Variants in HIBCH observed in about 807,000 individuals in gnomAD.
The protein encoded by HIBCH is 3-hydroxyisobutyryl-CoA hydrolase.
In HIBCH, 50 loss-of-function variants were observed where a neutral mutation model predicts 58.2. That is an observed-to-expected ratio of 0.86 (90% confidence interval 0.68 to 1.09). The LOEUF (loss-of-function observed/expected upper bound fraction) is 1.09, where lower values mean the gene tolerates loss of function less well. Among genes scored for constraint, HIBCH ranks in the 50% least tolerant of loss-of-function variants. The pLI, the probability that HIBCH is intolerant of heterozygous loss-of-function variation, is 0.00. For missense variants in HIBCH, 450 were observed against 449.7 expected (o/e 1.00, Z -0.01); for synonymous variants, 151 against 146.9 (o/e 1.03, Z -0.20).
intron 11 of HIBCH, among the ~76,000 whole-genome samples, chr2:190,241,445 G>C (rs1686451747): frequency 1.3e-5 from 2 of 152,042 alleles, no homozygotes; most frequent in Non-Finnish European, 2.9e-5. Context: ...TCTTTTAATT[G>C]GTGCATTTAG....
intron 1 of HIBCH, among the ~76,000 whole-genome samples, chr2:190,312,498 TC>T (rs1688586868): frequency 1.3e-5 from 2 of 152,202 alleles, no homozygotes; most frequent in African/African-American, 2.4e-5. Context: ...TGTTAATTTT[TC>T]AAGAATACTC....
chr2:190,286,462 G>A (rs1460422016), intron 6 of HIBCH, among the ~76,000 whole-genome samples: 2 of 151,978 alleles, frequency 1.3e-5, no homozygotes, highest in African/African-American at 4.8e-5. Context: ...TTGTTATATG[G>A]ATACTGGCCA....
At chr2:190,212,696 T>C (rs192007637) in intron 12 of HIBCH, among the ~76,000 whole-genome samples, 84 of 152,326 alleles carry the variant, frequency 5.5e-4, no homozygotes, top group African/African-American at 2.0e-3. Flanking sequence ...TTAATTTCTA[T>C]TTTGAATTCC....
At chr2:190,274,043 T>C (rs1687480765) in intron 6 of HIBCH, among the ~76,000 whole-genome samples, 1 of 152,168 alleles carries the variant, frequency 6.6e-6, no homozygotes, top group African/African-American at 2.4e-5. Flanking sequence ...CTCAAGTGAC[T>C]CTCCCACGCT....
At chr2:190,248,012 C>A (rs530695134) in intron 9 of HIBCH, among the ~76,000 whole-genome samples, 1 of 152,292 alleles carries the variant, frequency 6.6e-6, no homozygotes, top group African/African-American at 2.4e-5. Context: ...AATTCAGATT[C>A]TCTGAGGCAT....
rs1413194024 is a variant in HIBCH at position 190,294,020 on chromosome 2, G to GTATATATATA, written c.304+525_304+526insTATATATATA. Among the ~76,000 whole-genome samples the GTATATATATA allele has an allele frequency of 2.6e-3, 327 of 125,748 alleles. 2 individuals are homozygous for GTATATATATA. The highest frequency in any genetic ancestry group is 0.012 in the Admixed American group (137 of 11,372). The allele number at this position is 125,748 out of a possible 152,430, so 82.5% of individuals were successfully genotyped here. On this transcript the variant is annotated intron_variant, in intron 4 of 13. Transcript: ENST00000359678. ...ATATATTTTGTAATATATATTTTGT[G>GTATATATATA]TGTATATATATATATATATATATAT...
At chr2:190,208,771 C>T (rs1308852903) in intron 13 of HIBCH, 109 bp downstream of exon 13, 4 of 882,264 alleles carry the variant, frequency 4.5e-6, no homozygotes, top group East Asian at 5.6e-5. Context: ...GATTTTGGTA[C>T]ATTTTGGATT....
intron 11 of HIBCH, among the ~76,000 whole-genome samples, chr2:190,234,100 T>C (rs1038988010): frequency 3.3e-5 from 5 of 152,068 alleles, no homozygotes; most frequent in African/African-American, 1.2e-4. Context: ...GAGCTTGGAG[T>C]GAGCTGAGAT....
chr2:190,289,939 G>A (rs535780787), intron 5 of HIBCH, among the ~76,000 whole-genome samples: 30 of 152,310 alleles, frequency 2.0e-4, no homozygotes, highest in African/African-American at 6.7e-4. Flanking sequence ...GTGCAGTGGT[G>A]CAATCTCGAA....
intron 11 of HIBCH, among the ~76,000 whole-genome samples, chr2:190,218,034 G>C (rs1475777613): frequency 6.6e-6 from 1 of 152,088 alleles, no homozygotes; most frequent in Non-Finnish European, 1.5e-5. Context: ...ACTAGGGGTG[G>C]AAAGTAGGAA....
intron 2 of HIBCH, among the ~76,000 whole-genome samples, chr2:190,301,779 A>C (rs539622870): frequency 1.3e-5 from 2 of 152,284 alleles, no homozygotes; most frequent in South Asian, 4.1e-4. Flanking sequence ...GCCTGGTGAG[A>C]CCCCATTTTG....
At position 190,197,745 on chromosome 2, in the gene HIBCH, G is replaced by T. The variant is rs1690047916; in HGVS notation, c.*17+7355C>A. On this transcript the variant is annotated intron_variant, in intron 1 of 1. Coordinates refer to the HIBCH transcript ENST00000399855. The surrounding 1 kb of genome is among the most constrained non-coding windows in gnomAD (Gnocchi z 4.0). The stretch of plus-strand genomic sequence containing the variant: ...TGAAAATAATGGCAACATATATTTT[G>T]TCTGGTTTTAAAACTGGTTTTGGCA... 6.6e-6 allele frequency among the ~76,000 whole-genome samples: 1 copy of T among 152,200 alleles called. No homozygotes were observed. The highest frequency in any genetic ancestry group is 2.1e-4 in the South Asian group (1 of 4,832).
At chr2:190,237,723 T>C (rs1043615724) in intron 11 of HIBCH, among the ~76,000 whole-genome samples, 2 of 152,152 alleles carry the variant, frequency 1.3e-5, no homozygotes, top group Non-Finnish European at 2.9e-5. Flanking sequence ...TACATAGGTA[T>C]ACACGTGCCA....
At chr2:190,248,865 C>A (rs201184879) in intron 9 of HIBCH, among the ~76,000 whole-genome samples, 564 of 127,126 alleles carry the variant, frequency 4.4e-3, no homozygotes, top group Non-Finnish European at 6.5e-3. Context: ...TGCTTCAAAA[C>A]AAAAAAAAAA....
In HIBCH at chr2:190,217,701, G is replaced by A. The variant is rs577254265; in HGVS notation, c.892-4626C>T. Reference sequence around the variant, plus strand: ...ACCACTTCCAGGCTGGCAACTCGGTGCTAATTAAAACCTGGAAAGAAGACA... The same window carrying A: ...ACCACTTCCAGGCTGGCAACTCGGTACTAATTAAAACCTGGAAAGAAGACA... On this transcript the variant is annotated intron_variant, in intron 11 of 13. Transcript: ENST00000359678. The surrounding 1 kb of genome is among the most constrained non-coding windows in gnomAD (Gnocchi z 4.6). 1.3e-5 allele frequency among the ~76,000 whole-genome samples: 2 copies of A among 152,224 alleles called. No homozygotes were observed. Among genetic ancestry groups the A allele is most frequent in the South Asian group, 4.1e-4 (2 of 4,820 alleles).
chr2:190,237,720 G>C (rs546428091), intron 11 of HIBCH, among the ~76,000 whole-genome samples: 1 of 152,086 alleles, frequency 6.6e-6, no homozygotes, highest in South Asian at 2.1e-4. Context: ...TGTTACATAG[G>C]TATACACGTG....
At chr2:190,198,190 T>C (rs1212415032) in intron 1 of HIBCH, among the ~76,000 whole-genome samples, 2 of 151,578 alleles carry the variant, frequency 1.3e-5, no homozygotes, top group Admixed American at 1.3e-4. Flanking sequence ...ATATCACTCT[T>C]ATTAGGGGTA....
intron 11 of HIBCH, among the ~76,000 whole-genome samples, chr2:190,223,128 G>C (rs551288244): frequency 6.6e-6 from 1 of 152,298 alleles, no homozygotes; most frequent in South Asian, 2.1e-4. Context: ...TTGGGAGTTG[G>C]GGGTTAGGGG....
Position 190,261,146 on chromosome 2 carries a change from G to C in HIBCH, c.517+10C>G. 6.2e-7 allele frequency: 1 copy of C among 1,601,110 alleles called. No homozygotes were observed. Among genetic ancestry groups the C allele is most frequent in the Non-Finnish European group, 8.6e-7 (1 of 1,168,796 alleles). On this transcript the variant is annotated intron_variant, in intron 7 of 13. Transcript: ENST00000359678. ...TAAAAGTAATTATAAAAAAAATTCT[G>C]GTTGTTTACCTATTGCAGTTTCTGG...
Sources: allele counts gnomAD v4.1 joint callset (sites outside exome capture counted in the v4.1 genomes callset), GRCh38; gene constraint gnomAD v4.1.1; non-coding constraint Gnocchi (gnomAD v3.1); transcripts MANE v1.5; gene names NCBI Gene and HGNC (gene_info 2026-07-23, HGNC 2026-07-21).